RASSF8: variants seen among roughly 807,000 people sequenced by gnomAD.
RASSF8 encodes Ras association domain family member 8, also known as ras association domain-containing protein 8.
Under a neutral mutation model 48.5 loss-of-function variants are expected in RASSF8, and 22 were observed. The observed-to-expected ratio is 0.45, with a 90% confidence interval of 0.32 to 0.65. RASSF8 has a LOEUF of 0.65. RASSF8 is among the 30% of genes least tolerant of loss of function. The pLI is 0.03. For synonymous variants in RASSF8, 127 were observed against 171.5 expected (o/e 0.74, Z 2.03); for missense variants, 418 against 489.2 (o/e 0.85, Z 1.37).
At chr12:26,049,953 T>C (rs1057389829) in intron 2 of RASSF8, among the ~76,000 whole-genome samples, 7 of 151,880 alleles carry the variant, frequency 4.6e-5, no homozygotes, top group African/African-American at 1.7e-4. Context: ...CCCGGCTAAT[T>C]TTTTGTATTT....
intron 1 of RASSF8, among the ~76,000 whole-genome samples, chr12:25,990,448 G>C (rs1366037943): frequency 6.6e-6 from 1 of 152,124 alleles, no homozygotes; most frequent in Non-Finnish European, 1.5e-5. Flanking sequence ...TAAGAGCTTG[G>C]TAAAGGTTTA....
intron 1 of RASSF8, among the ~76,000 whole-genome samples, chr12:25,959,922 A>G (rs1339993991): frequency 2.0e-5 from 3 of 152,206 alleles, no homozygotes; most frequent in East Asian, 1.9e-4. Context: ...CGTAGGATAT[A>G]TAATTGCGGG....
At chr12:26,023,312 C>G (rs1204528406) in intron 2 of RASSF8, among the ~76,000 whole-genome samples, 1 of 152,012 alleles carries the variant, frequency 6.6e-6, no homozygotes, top group Non-Finnish European at 1.5e-5. Context: ...TCAACAATTT[C>G]CAAGTAAGAT....
intron 2 of RASSF8, among the ~76,000 whole-genome samples, chr12:26,043,369 G>T (rs756479601): frequency 1.3e-5 from 2 of 152,200 alleles, no homozygotes; most frequent in African/African-American, 4.8e-5. Context: ...TAAGGGTAGA[G>T]GGGAACTGGG....
rs143070191 is a variant in RASSF8, at chr12:26,040,171, G to A, written c.-108-15065G>A. 3.9e-5 allele frequency among the ~76,000 whole-genome samples: 6 copies of A among 151,974 alleles called. No homozygotes were observed. In the East Asian group the frequency reaches 5.8e-4, roughly 15 times the overall value. On this transcript the variant is annotated intron_variant, in intron 2 of 5. Coordinates refer to ENST00000689635, the MANE Select transcript of RASSF8 (RefSeq NM_001394098.1). ...TTGAATCATAACTTTAAATATATTA[G>A]TATTATTGACTTTTAAAAAAGAAAT...
chr12:26,016,952 C>T (rs1942665636), intron 2 of RASSF8, among the ~76,000 whole-genome samples: 1 of 152,062 alleles, frequency 6.6e-6, no homozygotes, highest in Admixed American at 6.5e-5. Context: ...TGTGTACAAA[C>T]TAGACAAGTA....
chr12:26,047,915 GAGAA>G (rs1204189197), intron 2 of RASSF8, among the ~76,000 whole-genome samples: 1 of 152,234 alleles, frequency 6.6e-6, no homozygotes, highest in African/African-American at 2.4e-5. Flanking sequence ...AGCAGGTAGA[GAGAA>G]AGGGAGCTGG....
rs796454357 is a variant in RASSF8 at position 26,070,640 on chromosome 12, A to T, written c.*1822A>T. 6.2e-5 allele frequency: 59 copies of T among 949,960 alleles called. No individual in the cohort carries two copies. In the African/African-American group the frequency reaches 9.9e-4, roughly 16 times the overall value. The allele number at this position is 949,960 out of a possible 1,614,324, so 58.8% of individuals were successfully genotyped here. Reference sequence around the variant, plus strand: ...AGGATGATTAAAAAATAATTTATAGATTTTGTGACAGTAATGATTTACATA... The same window carrying T: ...AGGATGATTAAAAAATAATTTATAGTTTTTGTGACAGTAATGATTTACATA... On this transcript the variant is annotated 3_prime_UTR_variant, in exon 6 of 6. Transcript: ENST00000689635.
intron 1 of RASSF8, among the ~76,000 whole-genome samples, chr12:25,987,195 A>C (rs1232564913): frequency 6.6e-6 from 1 of 152,218 alleles, no homozygotes; most frequent in Non-Finnish European, 1.5e-5. Flanking sequence ...CGGCCTCCCA[A>C]AGTGCTGGGA....
intron 4 of RASSF8, 38 bp from the exon 5 acceptor site, chr12:26,067,531 G>A: frequency 6.4e-7 from 1 of 1,551,830 alleles, no homozygotes; most frequent in Non-Finnish European, 8.8e-7. Context: ...GTCCAGTAGT[G>A]AATCCTCAAA....
At chr12:25,974,395 G>A (rs892786013) in intron 1 of RASSF8, among the ~76,000 whole-genome samples, 1 of 151,944 alleles carries the variant, frequency 6.6e-6, no homozygotes, top group Non-Finnish European at 1.5e-5. Flanking sequence ...ACATTGAATT[G>A]GAACATGTTT....
At chr12:26,060,761 A>G (rs113930220) in intron 3 of RASSF8, among the ~76,000 whole-genome samples, 1 of 152,212 alleles carries the variant, frequency 6.6e-6, no homozygotes, top group Non-Finnish European at 1.5e-5. Context: ...AAGAAGCAAA[A>G]TATCTACTAT....
rs1159619605 is a variant in RASSF8, at chr12:25,959,123, CG to C, written c.-223del. On this transcript the variant is annotated 5_prime_UTR_variant, in exon 1 of 6. Transcript: ENST00000689635. ...CCGGCCGGCCCCTCTGGGCGGCCTGCGGGGGCGGCGCAGTTGCGAAACTGAG... is the reference window on the plus strand; with the variant it reads ...CCGGCCGGCCCCTCTGGGCGGCCTGCGGGGCGGCGCAGTTGCGAAACTGAG... 6 of 151,212 alleles carry C rather than the reference CG, an allele frequency of 4.0e-5. No homozygotes were observed. In the East Asian group the frequency reaches 1.2e-3, roughly 29 times the overall value. The allele number at this position is 151,212 out of a possible 1,614,324, so 9.4% of individuals were successfully genotyped here.
At chr12:25,969,721 C>T (rs1227355709) in intron 1 of RASSF8, among the ~76,000 whole-genome samples, 1 of 152,046 alleles carries the variant, frequency 6.6e-6, no homozygotes, top group African/African-American at 2.4e-5. Context: ...TTGTCTGCTC[C>T]CTCTTGAACA....
intron 2 of RASSF8, among the ~76,000 whole-genome samples, chr12:26,045,891 A>G (rs1943362713): frequency 6.6e-6 from 1 of 152,224 alleles, no homozygotes; most frequent in South Asian, 2.1e-4. Context: ...GAAGGTAACG[A>G]ACTTAATTTG....
intron 3 of RASSF8, among the ~76,000 whole-genome samples, chr12:26,059,876 A>G (rs1943700884): frequency 6.6e-6 from 1 of 152,170 alleles, no homozygotes; most frequent in Admixed American, 6.5e-5. Context: ...TAACCAGCAC[A>G]ATGCCCAGTA....
At chr12:25,969,340 G>A (rs774436291) in intron 1 of RASSF8, among the ~76,000 whole-genome samples, 2 of 152,198 alleles carry the variant, frequency 1.3e-5, no homozygotes, top group Admixed American at 6.5e-5. Context: ...TGCCTTATCG[G>A]TAAAATGGAG....
chr12:25,963,927 C>G (rs1941296310), intron 1 of RASSF8, among the ~76,000 whole-genome samples: 1 of 152,228 alleles, frequency 6.6e-6, no homozygotes. Context: ...TCCTGATTTT[C>G]TAGTCAGGAA....
chr12:26,059,759 G>A (rs986772666), intron 3 of RASSF8, among the ~76,000 whole-genome samples: 1 of 152,144 alleles, frequency 6.6e-6, no homozygotes, highest in Non-Finnish European at 1.5e-5. Context: ...TTAATTCATA[G>A]CATGCATCAG....
Sources: gnomAD v4.1 joint callset for allele counts (sites outside exome capture counted in the v4.1 genomes callset) on GRCh38, gnomAD v4.1.1 for gene constraint, MANE v1.5 for transcripts, NCBI Gene and HGNC (gene_info 2026-07-23, HGNC 2026-07-21) for gene names.